FSTL1: variants seen among roughly 807,000 people sequenced by gnomAD.
FSTL1 encodes follistatin like 1, also known as follistatin-related protein 1.
FSTL1 carries 24 observed loss-of-function variants against 45.9 expected under a neutral mutation model. The observed-to-expected ratio is 0.52, with a 90% confidence interval of 0.38 to 0.74. The LOEUF (loss-of-function observed/expected upper bound fraction) is 0.74. Among genes scored for constraint, FSTL1 ranks in the 30% least tolerant of loss-of-function variants. The pLI is 0.00. For synonymous variants in FSTL1, 120 were observed against 137.6 expected, an observed-to-expected ratio of 0.87 and a Z score of 0.89; for missense variants, 340 against 381.8, an observed-to-expected ratio of 0.89 and a Z score of 0.91.
intron 2 of FSTL1, chr3:120,419,612 G>A (rs555776778): frequency 1.2e-3 from 177 of 152,654 alleles, no homozygotes; most frequent in Non-Finnish European, 1.7e-3. Context: ...GGTGGCGCTC[G>A]ATGGCTGACC....
chr3:120,394,141 C>G lies in FSTL1; in HGVS notation c.*2811G>C, dbSNP rs1936648481. On this transcript the variant is annotated 3_prime_UTR_variant, in exon 11 of 11. Coordinates refer to ENST00000295633, the MANE Select transcript of FSTL1 (RefSeq NM_007085.5). ...ACCAGTCCCCGAGTAAACTTTCCAT[C>G]CAAGCTGTAGTCCCAGGAGAAACTC... is the stretch of plus-strand genomic sequence containing the variant. The G allele has an allele frequency of 6.6e-6, 1 of 152,192 alleles. No individual in the cohort carries two copies. The highest frequency in any genetic ancestry group is 2.4e-5 in the African/African-American group (1 of 41,436). 9.4% of individuals were successfully genotyped at this position (152,192 alleles called of 1,614,324 possible).
chr3:120,435,513 C>T (rs1466414352), intron 2 of FSTL1, among the ~76,000 whole-genome samples: 1 of 152,186 alleles, frequency 6.6e-6, no homozygotes, highest in Non-Finnish European at 1.5e-5. Flanking sequence ...CTTAGGCTTA[C>T]AATTCCTAAC....
At chr3:120,445,892 A>C (rs1937728347) in intron 2 of FSTL1, among the ~76,000 whole-genome samples, 1 of 149,918 alleles carries the variant, frequency 6.7e-6, no homozygotes, top group African/African-American at 2.5e-5. Flanking sequence ...AGGACAGTGA[A>C]GGGAAGGCCA....
intron 3 of FSTL1, among the ~76,000 whole-genome samples, chr3:120,412,872 ACACTC>A (rs1453118471): frequency 3.3e-5 from 5 of 150,250 alleles, no homozygotes; most frequent in Non-Finnish European, 5.9e-5. Context: ...ACACACACAC[ACACTC>A]CAATTCTTCT....
chr3:120,428,772 C>CAA (rs869201836), intron 2 of FSTL1, among the ~76,000 whole-genome samples: 1 of 148,056 alleles, frequency 6.8e-6, no homozygotes, highest in Admixed American at 6.8e-5. Flanking sequence ...ACAACAACAA[C>CAA]AAAAAACAGG....
intron 2 of FSTL1, among the ~76,000 whole-genome samples, chr3:120,424,636 G>A (rs1937343975): frequency 6.6e-6 from 1 of 151,208 alleles, no homozygotes; most frequent in Non-Finnish European, 1.5e-5. Flanking sequence ...GATGACAGTT[G>A]CATCTACACT....
At chr3:120,406,630 G>A (rs1046374694) in intron 6 of FSTL1, among the ~76,000 whole-genome samples, 1 of 152,228 alleles carries the variant, frequency 6.6e-6, no homozygotes, top group African/African-American at 2.4e-5. Flanking sequence ...GGCCAGAGTT[G>A]TATGTAGAAT....
intron 7 of FSTL1, among the ~76,000 whole-genome samples, chr3:120,403,805 A>G (rs539842416): frequency 6.6e-5 from 10 of 151,904 alleles, no homozygotes; most frequent in African/African-American, 2.2e-4. Context: ...CACCATTATC[A>G]TCCTTCTAGA....
Position 120,409,653 on chromosome 3 carries a change from T to C in FSTL1, c.341A>G (p.Tyr114Cys), listed in dbSNP as rs138073641. The change falls in exon 6 of 11, where the codon TAT (tyrosine) becomes TGT (cysteine). Residue 114 changes from tyrosine to cysteine, a missense_variant. Coordinates refer to ENST00000295633, the MANE Select transcript of FSTL1 (RefSeq NM_007085.5). ...TCGGAGCTCATCACGGTTGGACTGA[T>C]AGCAAACAACTGCAGGAAAGTGGAG... ...VSPSASPVVC[Y>C]QSNRDELRRR... 2.3e-5 allele frequency: 37 copies of C among 1,613,922 alleles called. No individual in the cohort carries two copies. Among genetic ancestry groups the C allele is most frequent in the African/African-American group, 1.3e-5 (1 of 74,928 alleles).
chr3:120,442,701 A>G (rs1937647584), intron 2 of FSTL1, among the ~76,000 whole-genome samples: 1 of 149,724 alleles, frequency 6.7e-6, no homozygotes, highest in Non-Finnish European at 1.5e-5. Context: ...AATCACTTGA[A>G]CCCAGGAGGC....
chr3:120,425,364 C>CAA (rs5852246), intron 2 of FSTL1, among the ~76,000 whole-genome samples: 1 of 135,042 alleles, frequency 7.4e-6, no homozygotes. Flanking sequence ...ATAAAACAGC[C>CAA]AAAAAAAAAA....
At position 120,411,904 on chromosome 3, in the gene FSTL1, G is replaced by T; in HGVS notation, c.248C>A (p.Ala83Asp). Residue 83 changes from alanine to aspartate, a missense_variant, in exon 4 of 11, where the codon GCC (alanine) becomes GAC (aspartate). By Grantham distance (126) the Ala-to-Asp change is moderately radical. Transcript: ENST00000295633. The stretch of plus-strand genomic sequence containing the variant: ...CTGGATTTTGGATCCAGTGAGGCAG[G>T]CATCTCGATGCAGTTCACAGTGGTT... ...YLNHCELHRD[A>D]CLTGSKIQVD... 6.2e-7 allele frequency: 1 copy of T among 1,613,164 alleles called. No homozygotes were observed. Among genetic ancestry groups the T allele is most frequent in the Non-Finnish European group, 8.5e-7 (1 of 1,179,088 alleles).
chr3:120,424,723 T>C (rs1159012000), intron 2 of FSTL1, among the ~76,000 whole-genome samples: 2 of 151,922 alleles, frequency 1.3e-5, no homozygotes, highest in Non-Finnish European at 2.9e-5. Flanking sequence ...ACATCCTGAA[T>C]AGAGAGAGGA....
intron 2 of FSTL1, among the ~76,000 whole-genome samples, chr3:120,450,404 C>T (rs913391278): frequency 6.6e-6 from 1 of 152,200 alleles, no homozygotes; most frequent in Non-Finnish European, 1.5e-5. Flanking sequence ...GTCGCCGCCT[C>T]GTCCCCGTCG....
At chr3:120,421,717 T>C (rs1937282728) in intron 2 of FSTL1, among the ~76,000 whole-genome samples, 1 of 152,228 alleles carries the variant, frequency 6.6e-6, no homozygotes, top group Non-Finnish European at 1.5e-5. Flanking sequence ...TTTCTAGCAG[T>C]GGTTCTGATG....
At chr3:120,449,465 G>A (rs1937834147) in intron 2 of FSTL1, among the ~76,000 whole-genome samples, 1 of 152,162 alleles carries the variant, frequency 6.6e-6, no homozygotes, top group Non-Finnish European at 1.5e-5. Flanking sequence ...ATAGCTGAGA[G>A]CATTGGGTAA....
At chr3:120,403,920 CAAAAAAAA>C (rs34145564) in intron 7 of FSTL1, among the ~76,000 whole-genome samples, 50 of 52,148 alleles carry the variant, frequency 9.6e-4, no homozygotes, top group African/African-American at 3.9e-3. Context: ...GACTCCGTCT[CAAAAAAAA>C]AAAAAAAAAA....
At chr3:120,427,696 A>G (rs1937405379) in intron 2 of FSTL1, among the ~76,000 whole-genome samples, 1 of 152,212 alleles carries the variant, frequency 6.6e-6, no homozygotes, top group Admixed American at 6.5e-5. Flanking sequence ...GTGCATGCAT[A>G]TGTGTGTTAA....
chr3:120,411,834 G>T lies in FSTL1; in HGVS notation c.298+20C>A. ...TCCCCGTGGCTAAAGCTGCCTTGCAGTGGTGAGAGCACACCTTACCTTTGC... is the reference window on the plus strand; with the variant it reads ...TCCCCGTGGCTAAAGCTGCCTTGCATTGGTGAGAGCACACCTTACCTTTGC... On this transcript the variant is annotated intron_variant, in intron 4 of 10. Transcript: ENST00000295633. 1.2e-6 allele frequency: 2 copies of T among 1,607,646 alleles called. No individual in the cohort carries two copies. Among genetic ancestry groups the T allele is most frequent in the Non-Finnish European group, 8.5e-7 (1 of 1,174,754 alleles).
Sources: gnomAD v4.1 joint callset for allele counts (sites outside exome capture counted in the v4.1 genomes callset) on GRCh38, gnomAD v4.1.1 for gene constraint, MANE v1.5 for transcripts, NCBI Gene and HGNC (gene_info 2026-07-23, HGNC 2026-07-21) for gene names.